Variants in CDC7 observed in about 807,000 individuals in gnomAD.
CDC7 encodes cell division cycle 7.
CDC7 carries 34 observed loss-of-function variants against 53.5 expected under a neutral mutation model. That is an observed-to-expected ratio of 0.64 (90% CI 0.48 to 0.85). The LOEUF is 0.85. Ranked by LOEUF, CDC7 falls within the 40% of genes least tolerant of loss-of-function variation. The pLI is 0.00. For missense variants in CDC7, 594 were observed against 679.7 expected, an observed-to-expected ratio of 0.87 and a Z score of 1.40; for synonymous variants, 211 against 222.8, an observed-to-expected ratio of 0.95 and a Z score of 0.47.
chr1:91,514,804 A>C lies in CDC7; in HGVS notation c.919-15A>C. The C allele has an allele frequency of 6.5e-7, 1 of 1,545,070 alleles. No homozygotes were observed. On this transcript the variant is annotated splice_polypyrimidine_tract_variant and intron_variant, in intron 8 of 11. Coordinates refer to ENST00000234626, the MANE Select transcript of CDC7 (RefSeq NM_003503.4). ...AATATCATGAAAATAGAAAAATGAG[A>C]CTTTTCTTTTACAGCTCATGAAGCA...
Position 91,524,149 on chromosome 1 carries a change from A to C in CDC7, c.1439A>C (p.Gln480Pro), listed in dbSNP as rs1269708902. 3.1e-6 allele frequency: 5 copies of C among 1,613,970 alleles called. No individual in the cohort carries two copies. Residue 480 changes from glutamine (Q) to proline (P), a missense_variant, in exon 12 of 12, where the codon CAA (glutamine) becomes CCA (proline). Physicochemically the swap from Gln to Pro is moderately conservative, Grantham distance 76. Transcript: ENST00000234626. Reference sequence around the variant, plus strand: ...ACTCCCAAGTTAACAAGTGATATACAAGGGCATGCTTCTCATCAACCAGCT... The same window carrying C: ...ACTCCCAAGTTAACAAGTGATATACCAGGGCATGCTTCTCATCAACCAGCT... Reference protein sequence around the residue: ...SSTPKLTSDIQGHASHQPAIS... With the variant: ...SSTPKLTSDIPGHASHQPAIS...
chr1:91,517,973 C>T (rs1667657022), intron 10 of CDC7, among the ~76,000 whole-genome samples: 1 of 151,018 alleles, frequency 6.6e-6, no homozygotes, highest in African/African-American at 2.4e-5. Context: ...TGGCACACAC[C>T]TGTAGTTCCA....
intron 11 of CDC7, among the ~76,000 whole-genome samples, chr1:91,521,103 A>G (rs939084064): frequency 6.6e-6 from 1 of 152,230 alleles, no homozygotes; most frequent in Non-Finnish European, 1.5e-5. Context: ...ACAAAGTTTC[A>G]GCCAGCCTAC....
Position 91,513,290 on chromosome 1 carries a change from C to G in CDC7, c.805C>G (p.Gln269Glu). 1 of 1,612,922 alleles carries G rather than the reference C, an allele frequency of 6.2e-7. No homozygotes were observed. Among genetic ancestry groups the G allele is most frequent in the Non-Finnish European group, 8.5e-7 (1 of 1,179,256 alleles). The part of the protein sequence containing the change: ...PYTNAQIQIK[Q>E]GKDGKEGSVG... ...CACAAATGCACAAATTCAGATTAAA[C>G]AAGGAAAAGACGGAAAGGTTCTATC... Residue 269 changes from glutamine (Q) to glutamate (E), a missense_variant, in exon 7 of 12, where the codon CAA (glutamine) becomes GAA (glutamate). Transcript: ENST00000234626.
chr1:91,507,716 T>C (rs1361707245), intron 2 of CDC7, 138 bp from the exon 3 acceptor site: 1 of 615,956 alleles, frequency 1.6e-6, no homozygotes, highest in Non-Finnish European at 2.7e-6. Context: ...GGTTTTAATC[T>C]TATCACAATG....
At position 91,501,641 on chromosome 1, in the gene CDC7, C is replaced by A. The variant is rs1430369208; in HGVS notation, c.-63-13C>A. 2.9e-6 allele frequency: 3 copies of A among 1,038,306 alleles called. No homozygotes were observed. Among genetic ancestry groups the A allele is most frequent in the East Asian group, 2.4e-5 (1 of 42,160 alleles). The allele number at this position is 1,038,306 out of a possible 1,614,324, so 64.3% of individuals were successfully genotyped here. On this transcript the variant is annotated splice_polypyrimidine_tract_variant and intron_variant, in intron 1 of 11. Coordinates refer to ENST00000234626, the MANE Select transcript of CDC7 (RefSeq NM_003503.4). ...GAGTGATCTAAATTTCTCTAGTGTT[C>A]TAATTTTCACAGCTGCTTTGCTCCC...
intron 11 of CDC7, among the ~76,000 whole-genome samples, chr1:91,523,636 G>A (rs910927827): frequency 6.6e-6 from 1 of 152,138 alleles, no homozygotes; most frequent in Non-Finnish European, 1.5e-5. Flanking sequence ...CACAAGGGGT[G>A]CAGGGCATCC....
chr1:91,515,879 A>G lies in CDC7; in HGVS notation c.1180+3A>G. The G allele has an allele frequency of 1.2e-6, 2 of 1,609,526 alleles. No individual in the cohort carries two copies. The highest frequency in any genetic ancestry group is 1.7e-6 in the Non-Finnish European group (2 of 1,175,986). Reference sequence around the variant, plus strand: ...AAAGTGCCCCAATCAAACTACAGGTATGTTGTACTGGAAATACAGAACCTA... The same window carrying G: ...AAAGTGCCCCAATCAAACTACAGGTGTGTTGTACTGGAAATACAGAACCTA... On this transcript the variant is annotated splice_donor_region_variant and intron_variant, in intron 10 of 11. Coordinates refer to ENST00000234626, the MANE Select transcript of CDC7 (RefSeq NM_003503.4).
intron 9 of CDC7, among the ~76,000 whole-genome samples, 173 bp downstream of exon 9, chr1:91,515,170 ATTAT>A (rs1183736219): frequency 6.6e-6 from 1 of 152,160 alleles, no homozygotes; most frequent in African/African-American, 2.4e-5. Flanking sequence ...GTTTTCATAT[ATTAT>A]TTATTTAATA....
In CDC7 at chr1:91,511,678, T is replaced by C; in HGVS notation, c.417T>C (p.His139=). The part of the protein sequence containing the change: ...HVVIAMPYLE[H]ESFLDILNSL... ...TTATTGCTATGCCATATCTGGAGCATGAGTCGTTTTTGGTAGGTTTTAATA... is the reference window on the plus strand; with the variant it reads ...TTATTGCTATGCCATATCTGGAGCACGAGTCGTTTTTGGTAGGTTTTAATA... The change falls in exon 5 of 12, where the codon CAT becomes CAC. Residue 139 remains histidine (H), a synonymous_variant. Coordinates refer to ENST00000234626, the MANE Select transcript of CDC7 (RefSeq NM_003503.4). The C allele has an allele frequency of 6.2e-7, 1 of 1,608,810 alleles. No homozygotes were observed. Among genetic ancestry groups the C allele is most frequent in the East Asian group, 2.2e-5 (1 of 44,768 alleles).
At chr1:91,504,672 C>G (rs1666889220) in intron 2 of CDC7, among the ~76,000 whole-genome samples, 1 of 152,116 alleles carries the variant, frequency 6.6e-6, no homozygotes, top group Admixed American at 6.5e-5. Flanking sequence ...AATTATTATT[C>G]CTGCTGCCTT....
chr1:91,521,606 A>C (rs1667952089), intron 11 of CDC7, among the ~76,000 whole-genome samples: 1 of 152,260 alleles, frequency 6.6e-6, no homozygotes, highest in African/African-American at 2.4e-5. Context: ...GCATTCTTAC[A>C]TAATAATATA....
At chr1:91,504,483 A>C (rs1666879583) in intron 2 of CDC7, among the ~76,000 whole-genome samples, 1 of 152,264 alleles carries the variant, frequency 6.6e-6, no homozygotes, top group South Asian at 2.1e-4. Flanking sequence ...GTTCAGTGAA[A>C]GAATGATGTA....
intron 10 of CDC7, among the ~76,000 whole-genome samples, chr1:91,519,735 G>T (rs975320876): frequency 3.3e-5 from 5 of 152,244 alleles, no homozygotes; most frequent in African/African-American, 1.2e-4. Context: ...ACTTTGACCA[G>T]TATGGTATGT....
chr1:91,505,280 T>G (rs1666926416), intron 2 of CDC7, among the ~76,000 whole-genome samples: 1 of 152,170 alleles, frequency 6.6e-6, no homozygotes. Flanking sequence ...GTAATTGGAA[T>G]GAAGTCAAAG....
chr1:91,501,915 G>T, intron 2 of CDC7, 84 bp downstream of exon 2: 1 of 969,194 alleles, frequency 1.0e-6, no homozygotes, highest in Non-Finnish European at 1.6e-6. Context: ...CAAAAAATAA[G>T]ATTGAATCTT....
intron 11 of CDC7, 96 bp from the exon 12 acceptor site, chr1:91,523,945 G>A: frequency 1.2e-6 from 1 of 835,844 alleles, no homozygotes; most frequent in African/African-American, 1.7e-5. Context: ...TAAAGCATAT[G>A]TTTGAACTTT....
At chr1:91,513,707 G>A (rs1430360084) in intron 7 of CDC7, among the ~76,000 whole-genome samples, 1 of 152,122 alleles carries the variant, frequency 6.6e-6, no homozygotes, top group African/African-American at 2.4e-5. Context: ...ATCCATGCAG[G>A]TGGTTTTTGA....
intron 3 of CDC7, 138 bp downstream of exon 3, chr1:91,508,075 A>G (rs1444328567): frequency 1.3e-6 from 1 of 798,586 alleles, no homozygotes; most frequent in Admixed American, 3.1e-5. Flanking sequence ...TAGTTTTATT[A>G]CTAATTATGG....
Sources: allele counts gnomAD v4.1 joint callset (sites outside exome capture counted in the v4.1 genomes callset), GRCh38; gene constraint gnomAD v4.1.1; transcripts MANE v1.5; gene names NCBI Gene and HGNC (gene_info 2026-07-23, HGNC 2026-07-21).